The following POC1B variants were observed in gnomAD, a reference collection of about 807,000 sequenced individuals.
POC1B encodes the protein POC1 centriolar protein B.
POC1B carries 44 observed loss-of-function variants against 60.6 expected under a neutral mutation model. The observed-to-expected ratio is 0.73, with a 90% CI of 0.57 to 0.93. POC1B has a LOEUF of 0.93. Ranked by LOEUF, POC1B falls within the 40% of genes least tolerant of loss-of-function variation. The probability of loss-of-function intolerance (pLI) is 0.00; values close to 1 mark genes in which losing one functional copy is unlikely to be tolerated. For synonymous variants in POC1B, 180 were observed against 198.9 expected, an observed-to-expected ratio of 0.90 and a Z score of 0.80; for missense variants, 555 against 572.3, an observed-to-expected ratio of 0.97 and a Z score of 0.31.
intron 10 of POC1B, among the ~76,000 whole-genome samples, chr12:89,450,730 T>C (rs1207468573): frequency 6.6e-6 from 1 of 152,174 alleles, no homozygotes; most frequent in African/African-American, 2.4e-5. Context: ...TAAAAATAAA[T>C]AGAAAACCTT....
rs1869300862 is a variant in POC1B at position 89,497,250 on chromosome 12, T to A, written c.193A>T (p.Ser65Cys). 8 of 1,613,640 alleles carry A rather than the reference T, an allele frequency of 5.0e-6. No homozygotes were observed. Among genetic ancestry groups the A allele is most frequent in the African/African-American group, 1.3e-5 (1 of 74,946 alleles). ...TTTCCATGTGGAGAAAACTGCACGCTGGTTACAACATCCTTGTGACCCACA... is the reference window on the plus strand; with the variant it reads ...TTTCCATGTGGAGAAAACTGCACGCAGGTTACAACATCCTTGTGACCCACA... ...RYVGHKDVVTSVQFSPHGNLL... is the reference protein window; with the variant it reads ...RYVGHKDVVTCVQFSPHGNLL... Residue 65 changes from serine (S) to cysteine (C), a missense_variant, in exon 3 of 12, where the codon AGC (serine) becomes TGC (cysteine). Ser to Cys is a moderately radical substitution (Grantham distance 112). Coordinates refer to ENST00000313546, the MANE Select transcript of POC1B (RefSeq NM_172240.3).
chr12:89,483,631 A>G (rs1040569304), intron 4 of POC1B, among the ~76,000 whole-genome samples: 1 of 152,182 alleles, frequency 6.6e-6, no homozygotes, highest in Non-Finnish European at 1.5e-5. Context: ...ATTTCAACAC[A>G]TGAATTTTTT....
intron 11 of POC1B, among the ~76,000 whole-genome samples, chr12:89,421,892 T>G (rs957274688): frequency 6.6e-6 from 1 of 152,172 alleles, no homozygotes; most frequent in Non-Finnish European, 1.5e-5. Flanking sequence ...ACTCACTTAT[T>G]AGCTGAAGGA....
chr12:89,483,736 T>C (rs1868477591), intron 4 of POC1B, among the ~76,000 whole-genome samples: 1 of 152,050 alleles, frequency 6.6e-6, no homozygotes, highest in Non-Finnish European at 1.5e-5. Flanking sequence ...TCAGCAAAAA[T>C]ATCCTTTACA....
At chr12:89,501,779 A>G in intron 2 of POC1B, 1 of 1,021,562 alleles carries the variant, frequency 9.8e-7, no homozygotes. Context: ...AGTAGGCAAA[A>G]ATCTGCTAAG....
rs569126717 is a variant in POC1B, at chr12:89,421,030, G to A, written c.*123C>T. ...TTTGTTCTGTTGCTCACCCTTTTAA[G>A]AAATGCCATGATAAATAGCACATGG... On this transcript the variant is annotated 3_prime_UTR_variant, in exon 12 of 12. Coordinates refer to ENST00000313546, the MANE Select transcript of POC1B (RefSeq NM_172240.3). The A allele has an allele frequency of 4.3e-6, 3 of 692,286 alleles. No homozygotes were observed. In the Admixed American group the frequency reaches 7.9e-5, roughly 18 times the overall value. The allele number at this position is 692,286 out of a possible 1,614,324, so 42.9% of individuals were successfully genotyped here. A position where few individuals can be genotyped will look rare whatever the true frequency, so the allele number is the denominator to read the frequency against.
intron 2 of POC1B, among the ~76,000 whole-genome samples, chr12:89,506,994 A>G (rs1196220675): frequency 6.6e-6 from 1 of 152,152 alleles, no homozygotes; most frequent in Non-Finnish European, 1.5e-5. Flanking sequence ...TCAGAAGAAA[A>G]TAGGAGGGAG....
Position 89,466,835 on chromosome 12 carries a change from G to A in POC1B, c.967C>T (p.Pro323Ser), listed in dbSNP as rs1882705084. The A allele has an allele frequency of 6.2e-7, 1 of 1,613,060 alleles. No homozygotes were observed. The highest frequency in any genetic ancestry group is 1.7e-5 in the Admixed American group (1 of 59,988). The change falls in exon 9 of 12, where the codon CCA (proline) becomes TCA (serine). Residue 323 changes from proline (P) to serine (S), a missense_variant. Coordinates refer to ENST00000313546, the MANE Select transcript of POC1B (RefSeq NM_172240.3). ...CTTGGGTAGATATCAAGAAGATGTG[G>A]TGGTGAATCAAAATGTAATCTTTTG... The part of the protein sequence containing the change: ...NLKRLHFDSP[P>S]HLLDIYPRTP...
rs765306115 is a variant in POC1B, at chr12:89,466,938, A to G, written c.880-16T>C. 2 of 1,602,612 alleles carry G rather than the reference A, an allele frequency of 1.2e-6. No homozygotes were observed. The highest frequency in any genetic ancestry group is 3.4e-5 in the Admixed American group (2 of 59,042). On this transcript the variant is annotated splice_polypyrimidine_tract_variant and intron_variant, in intron 8 of 11. Transcript: ENST00000313546. ...ATAATAAGACCTATGAAAAAAGTCAATGATGTTGGCAGTTATTGACTTGCA... is the reference window on the plus strand; with the variant it reads ...ATAATAAGACCTATGAAAAAAGTCAGTGATGTTGGCAGTTATTGACTTGCA...
At chr12:89,433,344 A>C (rs569255250) in intron 10 of POC1B, among the ~76,000 whole-genome samples, 1 of 152,320 alleles carries the variant, frequency 6.6e-6, no homozygotes, top group South Asian at 2.1e-4. Flanking sequence ...TGAGGGGATA[A>C]CTACTCGATA....
intron 10 of POC1B, among the ~76,000 whole-genome samples, chr12:89,433,619 A>G (rs1004161159): frequency 2.0e-5 from 3 of 152,252 alleles, no homozygotes; most frequent in African/African-American, 7.2e-5. Flanking sequence ...GGCAGTGTAA[A>G]GCAGGAGGCT....
At chr12:89,485,520 C>T (rs923398816) in intron 4 of POC1B, among the ~76,000 whole-genome samples, 5 of 152,146 alleles carry the variant, frequency 3.3e-5, no homozygotes, top group African/African-American at 1.2e-4. Flanking sequence ...TCACATTAAT[C>T]ATTCACTCCA....
intron 10 of POC1B, among the ~76,000 whole-genome samples, chr12:89,443,846 T>A (rs1881645007): frequency 6.6e-6 from 1 of 151,996 alleles, no homozygotes; most frequent in Admixed American, 6.5e-5. Flanking sequence ...ACAAAATTGA[T>A]AGACCACTAG....
chr12:89,513,566 G>T (rs987273629), intron 2 of POC1B, among the ~76,000 whole-genome samples: 2 of 152,170 alleles, frequency 1.3e-5, no homozygotes, highest in African/African-American at 4.8e-5. Context: ...TTTACTGTTT[G>T]TTTAAACTTT....
intron 4 of POC1B, among the ~76,000 whole-genome samples, chr12:89,485,804 C>T (rs572773134): frequency 6.6e-6 from 1 of 152,206 alleles, no homozygotes; most frequent in African/African-American, 2.4e-5. Flanking sequence ...TAGAGATAAA[C>T]CTAAGCCTAC....
chr12:89,421,232 A>T lies in POC1B; in HGVS notation c.1358T>A (p.Leu453Gln), dbSNP rs143659653. ...TTTCAGCTTATCCTCTGTCAAAGTC[A>T]GTCGCTGCTCCAAGATTGAAACAGT... ...TQTVSILEQR[L>Q]TLTEDKLKDC... Residue 453 changes from leucine to glutamine, a missense_variant, in exon 12 of 12, where the codon CTG (leucine) becomes CAG (glutamine). By Grantham distance (113) the Leu-to-Gln change is moderately radical. Coordinates refer to ENST00000313546, the MANE Select transcript of POC1B (RefSeq NM_172240.3). 1.9e-5 allele frequency: 30 copies of T among 1,600,552 alleles called. No homozygotes were observed. The highest frequency in any genetic ancestry group is 2.5e-5 in the Non-Finnish European group (29 of 1,169,948).
chr12:89,475,320 G>T (rs912788409), intron 4 of POC1B, among the ~76,000 whole-genome samples: 2 of 152,198 alleles, frequency 1.3e-5, no homozygotes, highest in African/African-American at 4.8e-5. Context: ...ATGAGTTAAA[G>T]TACAGGCAGT....
intron 4 of POC1B, among the ~76,000 whole-genome samples, chr12:89,478,756 T>G (rs1489355755): frequency 6.6e-6 from 1 of 152,152 alleles, no homozygotes; most frequent in East Asian, 1.9e-4. Context: ...TCACAAAATC[T>G]TTTCAATTCA....
the POC1B span, among the ~76,000 whole-genome samples, chr12:89,407,949 C>A: frequency 6.6e-6 from 1 of 152,264 alleles, no homozygotes; most frequent in African/African-American, 2.4e-5. Flanking sequence ...AATGCTATCC[C>A]TCCCCTAGCC....
Sources: gnomAD v4.1 joint callset for allele counts (sites outside exome capture counted in the v4.1 genomes callset) on GRCh38, gnomAD v4.1.1 for gene constraint, MANE v1.5 for transcripts, NCBI Gene and HGNC (gene_info 2026-07-23, HGNC 2026-07-21) for gene names.